RDH12: variants seen among roughly 807,000 people sequenced by gnomAD.
RDH12 encodes the protein retinol dehydrogenase 12, also known as all-trans and 9-cis retinol dehydrogenase.
In RDH12, 21 loss-of-function variants were observed where a neutral mutation model predicts 34.0. The observed-to-expected ratio is 0.62, with a 90% CI of 0.44 to 0.89. The LOEUF (loss-of-function observed/expected upper bound fraction) is 0.89. Ranked by LOEUF, RDH12 falls within the 40% of genes least tolerant of loss-of-function variation. RDH12 has a pLI of 0.00. For synonymous variants in RDH12, 198 were observed against 169.9 expected (o/e 1.17, Z -1.29); for missense variants, 394 against 398.6 (o/e 0.99, Z 0.10).
Position 67,722,411 on chromosome 14 carries a change from C to T in RDH12, c.-219-13C>T, listed in dbSNP as rs569674572. 1.7e-6 allele frequency: 1 copy of T among 600,972 alleles called. No individual in the cohort carries two copies. Among genetic ancestry groups the T allele is most frequent in the East Asian group, 2.8e-5 (1 of 35,376 alleles). 37.2% of individuals were successfully genotyped at this position (600,972 alleles called of 1,614,324 possible). A position where few individuals can be genotyped will look rare whatever the true frequency, so the allele number is the denominator to read the frequency against. Reference sequence around the variant, plus strand: ...GTAAGCTTCAAACCTTGACTCCATCCCCTCCCCACCAGGACTACATCTCCC... The same window carrying T: ...GTAAGCTTCAAACCTTGACTCCATCTCCTCCCCACCAGGACTACATCTCCC... On this transcript the variant is annotated splice_polypyrimidine_tract_variant and intron_variant, in intron 2 of 8. Coordinates refer to ENST00000551171, the MANE Select transcript of RDH12 (RefSeq NM_152443.3).
chr14:67,712,405 T>G (rs1434576633), intron 1 of RDH12, among the ~76,000 whole-genome samples: 1 of 151,154 alleles, frequency 6.6e-6, no homozygotes, highest in Non-Finnish European at 1.5e-5. Context: ...CTAAGCTACA[T>G]TCTTCCTTAA....
intron 2 of RDH12, among the ~76,000 whole-genome samples, chr14:67,721,726 A>G (rs1479833397): frequency 9.6e-6 from 1 of 104,430 alleles, no homozygotes; most frequent in Non-Finnish European, 1.9e-5. Context: ...TTGAACACTT[A>G]GAACAAGTGG....
chr14:67,727,421 T>C, intron 7 of RDH12: 1 of 521,026 alleles, frequency 1.9e-6, no homozygotes, highest in Non-Finnish European at 3.5e-6. Flanking sequence ...TCACATCTTA[T>C]CTCTTATCTC....
chr14:67,729,320 A>G lies in RDH12; in HGVS notation c.788A>G (p.Gln263Arg). The change falls in exon 8 of 9, where the codon CAG (glutamine) becomes CGG (arginine). Residue 263 changes from glutamine to arginine, a missense_variant. Gln to Arg is a conservative substitution (Grantham distance 43). Coordinates refer to ENST00000551171, the MANE Select transcript of RDH12 (RefSeq NM_152443.3). ...PFVKTAREGA[Q>R]TSLHCALAEG... ...GTCAAGACGGCACGGGAGGGGGCGC[A>G]GACCAGCCTGCACTGCGCCCTGGCT... 11 of 1,600,224 alleles carry G rather than the reference A, an allele frequency of 6.9e-6. No homozygotes were observed. The highest frequency in any genetic ancestry group is 8.5e-6 in the Non-Finnish European group (10 of 1,179,884).
chr14:67,719,950 A>G (rs545800374), intron 1 of RDH12, among the ~76,000 whole-genome samples: 1 of 152,340 alleles, frequency 6.6e-6, no homozygotes, highest in South Asian at 2.1e-4. Flanking sequence ...TTATAAATAC[A>G]TGGAAGTCGA....
chr14:67,713,024 A>G (rs1290923960), intron 1 of RDH12, among the ~76,000 whole-genome samples: 2 of 152,076 alleles, frequency 1.3e-5, no homozygotes, highest in East Asian at 1.9e-4. Context: ...ATCAAGTTGG[A>G]TAGAATTGAT....
At chr14:67,725,340 CAGA>C (rs1299922708) in intron 5 of RDH12, 86 bp downstream of exon 5, 1 of 1,370,896 alleles carries the variant, frequency 7.3e-7, no homozygotes, top group Non-Finnish European at 1.0e-6. Flanking sequence ...GCCCTTACAT[CAGA>C]ACCATCATCC....
chr14:67,730,706 C>T (rs892469641), intron 8 of RDH12, among the ~76,000 whole-genome samples: 4 of 151,990 alleles, frequency 2.6e-5, no homozygotes, highest in East Asian at 3.9e-4. Flanking sequence ...TGGGTTCAAG[C>T]GATTCTCCTG....
At chr14:67,727,684 G>A (rs2038207494) in intron 7 of RDH12, 4 of 200,506 alleles carry the variant, frequency 2.0e-5, no homozygotes, top group South Asian at 1.7e-4. Flanking sequence ...CTTTCACCAT[G>A]TTGTCCAGGT....
intron 1 of RDH12, among the ~76,000 whole-genome samples, chr14:67,713,397 CAAAAAAAAAAAAAAA>C (rs71129850): frequency 6.3e-4 from 30 of 47,658 alleles, no homozygotes; most frequent in South Asian, 1.2e-3. Context: ...AGTAAAACTC[CAAAAAAAAAAAAAAA>C]AAAAAAAAAA....
intron 1 of RDH12, among the ~76,000 whole-genome samples, chr14:67,716,867 G>C (rs1199626508): frequency 3.4e-5 from 5 of 146,966 alleles, no homozygotes; most frequent in Non-Finnish European, 5.9e-5. Context: ...CTGAGTGACA[G>C]AGTGAGTCTC....
At chr14:67,716,103 A>G (rs1255136370) in intron 1 of RDH12, among the ~76,000 whole-genome samples, 1 of 151,942 alleles carries the variant, frequency 6.6e-6, no homozygotes, top group Non-Finnish European at 1.5e-5. Flanking sequence ...AGACTGAGGC[A>G]GGAGAATGGC....
chr14:67,724,036 C>G lies in RDH12; in HGVS notation c.69-437C>G, dbSNP rs536360717. ...CAGTACCTGTGTGTGCCACCCCCCA[C>G]AGAGTGCTGTTCATCAGTTACTCAT... is the stretch of plus-strand genomic sequence containing the variant. On this transcript the variant is annotated intron_variant, in intron 3 of 8. Coordinates refer to ENST00000551171, the MANE Select transcript of RDH12 (RefSeq NM_152443.3). Among the ~76,000 whole-genome samples the G allele has an allele frequency of 2.6e-5, 4 of 152,370 alleles. No homozygotes were observed. The South Asian group carries it at 8.3e-4, about 32-fold the overall frequency.
At chr14:67,729,107 A>C in intron 7 of RDH12, 84 bp from the exon 8 acceptor site, 1 of 1,371,102 alleles carries the variant, frequency 7.3e-7, no homozygotes. Context: ...CCTCCTTCTC[A>C]CTTGTGTATT....
chr14:67,717,645 G>A lies in RDH12; in HGVS notation c.-274-3203G>A, dbSNP rs367825337. Among the ~76,000 whole-genome samples the A allele has an allele frequency of 4.6e-5, 7 of 152,250 alleles. No individual in the cohort carries two copies. The East Asian group carries it at 5.8e-4, about 13-fold the overall frequency. ...TAGTGAACAGCTGGCAATGCCAGGA[G>A]ACATTTTTGGTTGTCACAAGGGGAT... On this transcript the variant is annotated intron_variant, in intron 1 of 8. Transcript: ENST00000551171.
chr14:67,716,660 T>A (rs1341061635), intron 1 of RDH12, among the ~76,000 whole-genome samples: 1 of 152,080 alleles, frequency 6.6e-6, no homozygotes, highest in Non-Finnish European at 1.5e-5. Context: ...AAGGCCAGCA[T>A]ACGACTTGAG....
At position 67,727,030 on chromosome 14, in the gene RDH12, C is replaced by A. The variant is rs1244771115; in HGVS notation, c.498C>A (p.Ala166=). ...TCCTGGAGCGGCTAAAGGTGTCTGC[C>A]CCTGCACGGGTGGTTAATGTGTCCT... ...YLLLERLKVS[A]PARVVNVSSV... is the part of the protein sequence containing the mutation. The change falls in exon 7 of 9, where the codon GCC becomes GCA. Residue 166 remains alanine, a synonymous_variant. Coordinates refer to ENST00000551171, the MANE Select transcript of RDH12 (RefSeq NM_152443.3). 6.8e-6 allele frequency: 11 copies of A among 1,613,694 alleles called. No homozygotes were observed. The highest frequency in any genetic ancestry group is 8.5e-6 in the Non-Finnish European group (10 of 1,180,040).
At position 67,701,909 on chromosome 14, in the gene RDH12, C is replaced by G. The variant is rs1012135183; in HGVS notation, c.-301C>G. The stretch of plus-strand genomic sequence containing the variant: ...CTGGGCACAAGCAATCCTCCCTTCT[C>G]AGCTTCCTGAGTGGCCAGGACTACA... On this transcript the variant is annotated 5_prime_UTR_variant, in exon 1 of 9. Coordinates refer to ENST00000551171, the MANE Select transcript of RDH12 (RefSeq NM_152443.3). 2 of 152,182 alleles carry G rather than the reference C, an allele frequency of 1.3e-5. No homozygotes were observed. The highest frequency in any genetic ancestry group is 6.5e-5 in the Admixed American group (1 of 15,282). The allele number at this position is 152,182 out of a possible 1,614,324, so 9.4% of individuals were successfully genotyped here. A position where few individuals can be genotyped will look rare whatever the true frequency, so the allele number is the denominator to read the frequency against.
At chr14:67,705,216 T>C (rs1437046074) in intron 1 of RDH12, among the ~76,000 whole-genome samples, 1 of 152,126 alleles carries the variant, frequency 6.6e-6, no homozygotes, top group Non-Finnish European at 1.5e-5. Context: ...CATACTGGAG[T>C]TGTCCTTTTT....
Sources: allele counts gnomAD v4.1 joint callset (sites outside exome capture counted in the v4.1 genomes callset), GRCh38; gene constraint gnomAD v4.1.1; transcripts MANE v1.5; gene names NCBI Gene and HGNC (gene_info 2026-07-23, HGNC 2026-07-21).